PHEX: variants seen among roughly 807,000 people sequenced by gnomAD.
PHEX encodes the protein phosphate-regulating neutral endopeptidase PHEX.
PHEX carries 16 observed loss-of-function variants against 68.0 expected under a neutral mutation model. The observed-to-expected ratio is 0.24, with a 90% CI of 0.16 to 0.36. PHEX has a LOEUF of 0.36. PHEX is among the 10% of genes least tolerant of loss of function. PHEX has a pLI of 1.00. For missense variants in PHEX, 480 were observed against 575.5 expected, an observed-to-expected ratio of 0.83 and a Z score of 1.70; for synonymous variants, 208 against 205.1, an observed-to-expected ratio of 1.01 and a Z score of -0.12.
At chrX:22,239,719 C>T (rs1203000131) in intron 20 of PHEX, among the ~76,000 whole-genome samples, 1 of 111,059 alleles carries the variant, frequency 9.0e-6, no homozygotes, top group African/African-American at 3.3e-5. Context: ...TGAACAAAGC[C>T]TCCAAGAAAT....
Position 22,076,375 on chromosome X carries a change from T to C in PHEX, c.350-13T>C, listed in dbSNP as rs749100990. ...TGGGTGGATACTAATGAATCCTTTC[T>C]TAACCTTCCCAGAACTTTTGGAGAA... On this transcript the variant is annotated splice_polypyrimidine_tract_variant and intron_variant, in intron 3 of 21. Transcript: ENST00000379374. 8.4e-6 allele frequency: 10 copies of C among 1,190,773 alleles called. No individual in the cohort carries two copies. The Admixed American group carries it at 1.1e-4, about 13-fold the overall frequency.
intron 3 of PHEX, among the ~76,000 whole-genome samples, chrX:22,057,415 C>G (rs889116782): frequency 9.0e-6 from 1 of 110,633 alleles, no homozygotes; most frequent in Admixed American, 9.6e-5. Flanking sequence ...ACCAGCCTGG[C>G]CAACAGAATA....
At chrX:22,178,420 G>T in intron 14 of PHEX, 44 bp downstream of exon 14, 1 of 768,213 alleles carries the variant, frequency 1.3e-6, no homozygotes, top group South Asian at 2.2e-5. Context: ...ATACATTGGT[G>T]AGAAGCGGAG....
chrX:22,082,005 C>T (rs1027515462), intron 5 of PHEX, among the ~76,000 whole-genome samples: 11 of 112,135 alleles, frequency 9.8e-5, no homozygotes, highest in Admixed American at 9.4e-5. Context: ...ATTTTTCTGG[C>T]TCTCAGCAAA....
At chrX:22,228,835 G>A (rs1935604782) in intron 20 of PHEX, among the ~76,000 whole-genome samples, 1 of 111,553 alleles carries the variant, frequency 9.0e-6, no homozygotes, top group African/African-American at 3.3e-5. Context: ...CCATCAACCC[G>A]TCACCTACAT....
rs773988096 is a variant in PHEX, at chrX:22,209,735, G to C, written c.1646-3169G>C. On this transcript the variant is annotated intron_variant, in intron 15 of 21. Transcript: ENST00000379374. ...TCCCTCTGCTCCCTCTGCTCCCTCT[G>C]CTCCCTCTGCTCCCTCTCCTCCCTC... Among the ~76,000 whole-genome samples the C allele has an allele frequency of 6.9e-3, 353 of 51,263 alleles. 1 individual carries two copies. Among genetic ancestry groups the C allele is most frequent in the African/African-American group, 0.022 (318 of 14,142 alleles). The allele number at this position is 51,263 out of a possible 115,157, so 44.5% of individuals were successfully genotyped here. A position where few individuals can be genotyped will look rare whatever the true frequency, so the allele number is the denominator to read the frequency against.
chrX:22,179,277 A>G (rs1933807742), intron 14 of PHEX, among the ~76,000 whole-genome samples: 1 of 108,058 alleles, frequency 9.3e-6, no homozygotes, highest in South Asian at 3.9e-4. Flanking sequence ...CTGGATTTCA[A>G]CTCCAGAATT....
In PHEX at chrX:22,226,514, C is replaced by T. The variant is rs200492584; in HGVS notation, c.1965+6C>T. 6.1e-5 allele frequency: 72 copies of T among 1,182,468 alleles called. No individual in the cohort carries two copies. Among genetic ancestry groups the T allele is most frequent in the Admixed American group, 8.8e-5 (4 of 45,276 alleles). On this transcript the variant is annotated splice_donor_region_variant and intron_variant, in intron 19 of 21. Transcript: ENST00000379374. ...GCCTGCGGGAAGCTTTTAGGGTATG[C>T]GCTGCTACATTTACCGTGGTTCTAA...
At chrX:22,219,167 T>C in intron 17 of PHEX, 64 bp downstream of exon 17, 1 of 726,384 alleles carries the variant, frequency 1.4e-6, no homozygotes, top group Non-Finnish European at 2.2e-6. Context: ...TGGATGTTAA[T>C]TGTTATGATT....
intron 14 of PHEX, among the ~76,000 whole-genome samples, chrX:22,184,413 CA>C (rs1933968451): frequency 2.7e-5 from 3 of 111,192 alleles, no homozygotes; most frequent in African/African-American, 3.3e-5. Flanking sequence ...TTACTTTGAA[CA>C]GCATCATGAT....
intron 5 of PHEX, among the ~76,000 whole-genome samples, chrX:22,090,075 G>A (rs1168667771): frequency 8.9e-6 from 1 of 112,187 alleles, no homozygotes; most frequent in Non-Finnish European, 1.9e-5. Context: ...CCTTGGGAAA[G>A]TCACAACAAT....
intron 20 of PHEX, among the ~76,000 whole-genome samples, chrX:22,234,866 G>T (rs944814803): frequency 9.2e-6 from 1 of 108,828 alleles, no homozygotes; most frequent in Non-Finnish European, 1.9e-5. Context: ...CAACAACAAT[G>T]AAACAACAAA....
Position 22,094,091 on chromosome X carries a change from A to G in PHEX, c.841A>G (p.Ile281Val). The change falls in exon 7 of 22, where the codon ATA becomes GTA. Residue 281 changes from isoleucine to valine, a missense_variant. By Grantham distance (29) the Ile-to-Val change is conservative. Transcript: ENST00000379374. ...MKSVLRLEIKIAEIMIPHENR... is the reference protein window; with the variant it reads ...MKSVLRLEIKVAEIMIPHENR... ...GTCAGTGCTCAGATTGGAAATTAAG[A>G]TAGCTGAGGTAAGTCTTCACTGAAA... The G allele has an allele frequency of 9.1e-7, 1 of 1,096,834 alleles. No homozygotes were observed. Among genetic ancestry groups the G allele is most frequent in the East Asian group, 3.0e-5 (1 of 33,091 alleles). 90.4% of individuals were successfully genotyped at this position (1,096,834 alleles called of 1,213,427 possible). A position where few individuals can be genotyped will look rare whatever the true frequency, so the allele number is the denominator to read the frequency against.
At chrX:22,104,352 C>A (rs967179275) in intron 9 of PHEX, among the ~76,000 whole-genome samples, 2 of 109,871 alleles carry the variant, frequency 1.8e-5, no homozygotes, top group South Asian at 4.0e-4. Flanking sequence ...CCACACCAGC[C>A]CTTGCAGTCC....
At chrX:22,067,090 A>G (rs1455385577) in intron 3 of PHEX, among the ~76,000 whole-genome samples, 2 of 110,226 alleles carry the variant, frequency 1.8e-5, no homozygotes, top group African/African-American at 6.6e-5. Flanking sequence ...CTAAAAATAA[A>G]AATTAACCAG....
At chrX:22,048,867 A>T (rs754414738) in intron 3 of PHEX, among the ~76,000 whole-genome samples, 11 of 112,010 alleles carry the variant, frequency 9.8e-5, no homozygotes, top group Non-Finnish European at 1.9e-4. Context: ...GGTCGCTCAT[A>T]AATCCGTCAC....
chrX:22,188,907 C>T (rs1219041384), intron 14 of PHEX, among the ~76,000 whole-genome samples: 4 of 112,213 alleles, frequency 3.6e-5, no homozygotes, highest in African/African-American at 1.3e-4. Flanking sequence ...CTCCCCCATT[C>T]CCCTACCGCC....
At chrX:22,236,039 C>G (rs1040766103) in intron 20 of PHEX, among the ~76,000 whole-genome samples, 4 of 111,716 alleles carry the variant, frequency 3.6e-5, no homozygotes, top group Non-Finnish European at 1.9e-5. Context: ...TGAGAAAAAA[C>G]TCAGCCTTAG....
intron 9 of PHEX, among the ~76,000 whole-genome samples, chrX:22,106,615 CAA>C (rs1260650888): frequency 9.3e-6 from 1 of 107,621 alleles, no homozygotes; most frequent in African/African-American, 3.4e-5. Flanking sequence ...ACCAAAAATA[CAA>C]AAAAAAATGT....
Sources: gnomAD v4.1 joint callset for allele counts (sites outside exome capture counted in the v4.1 genomes callset) on GRCh38, gnomAD v4.1.1 for gene constraint, MANE v1.5 for transcripts, NCBI Gene and HGNC (gene_info 2026-07-23, HGNC 2026-07-21) for gene names.